Variants in EXOC6B observed in about 807,000 individuals in gnomAD.
EXOC6B encodes SEC15 homolog B.
EXOC6B carries 54 observed loss-of-function variants against 113.5 expected under a neutral mutation model. The observed-to-expected ratio is 0.48, with a 90% confidence interval of 0.38 to 0.60. The LOEUF (loss-of-function observed/expected upper bound fraction) is 0.60. Among genes scored for constraint, EXOC6B ranks in the 20% least tolerant of loss-of-function variants. The pLI is 0.00. For missense variants in EXOC6B, 797 were observed against 977.5 expected (o/e 0.82, Z 2.46); for synonymous variants, 357 against 339.0 (o/e 1.05, Z -0.58).
rs371062099 is a variant in EXOC6B at position 72,386,205 on chromosome 2, G to T, written c.1981-6335C>A. ...AGTGGAATACCACATATGCTCATAG[G>T]CATGAGCAAAAAAAAAAATGATGTA... On this transcript the variant is annotated intron_variant, in intron 18 of 21. Transcript: ENST00000272427. 1.2e-4 allele frequency among the ~76,000 whole-genome samples: 18 copies of T among 151,346 alleles called. 1 individual carries two copies. The highest frequency in any genetic ancestry group is 4.1e-4 in the African/African-American group (17 of 41,242).
intron 20 of EXOC6B, among the ~76,000 whole-genome samples, chr2:72,243,936 T>C (rs1682490186): frequency 6.6e-6 from 1 of 152,184 alleles, no homozygotes. Flanking sequence ...AGGAGAAATA[T>C]GTTAGTTCAC....
intron 19 of EXOC6B, among the ~76,000 whole-genome samples, chr2:72,375,260 A>T (rs1262414782): frequency 6.6e-6 from 1 of 152,164 alleles, no homozygotes; most frequent in Admixed American, 6.5e-5. Flanking sequence ...AAACAAGTAT[A>T]AAAAAATCAG....
chr2:72,233,085 A>T (rs928290064), intron 20 of EXOC6B, among the ~76,000 whole-genome samples: 1 of 152,100 alleles, frequency 6.6e-6, no homozygotes, highest in Non-Finnish European at 1.5e-5. Flanking sequence ...AAAAAAAGAA[A>T]AAAAGAAAAA....
chr2:72,744,551 T>C (rs1476338530), intron 1 of EXOC6B, among the ~76,000 whole-genome samples: 4 of 152,226 alleles, frequency 2.6e-5, no homozygotes, highest in Admixed American at 2.6e-4. Flanking sequence ...GTAAAGATAC[T>C]GATTTACCTT....
chr2:72,520,451 T>C (rs1701427461), intron 8 of EXOC6B, among the ~76,000 whole-genome samples: 1 of 152,236 alleles, frequency 6.6e-6, no homozygotes, highest in South Asian at 2.1e-4. Flanking sequence ...AGAAAATCAC[T>C]TTTAGCATCA....
chr2:72,409,542 A>C (rs1573056898), intron 18 of EXOC6B, among the ~76,000 whole-genome samples: 1 of 152,340 alleles, frequency 6.6e-6, no homozygotes, highest in Admixed American at 6.5e-5. Context: ...CAGCCATAAA[A>C]AATGATGAGT....
chr2:72,764,618 AGCCTCCCAAAGT>A (rs2104915355), intron 1 of EXOC6B, among the ~76,000 whole-genome samples: 2 of 152,064 alleles, frequency 1.3e-5, no homozygotes, highest in South Asian at 4.2e-4. Context: ...ATCCTGCCTC[AGCCTCCCAAAGT>A]GCTGGGATGA....
chr2:72,483,688 A>C (rs2105501705), intron 16 of EXOC6B, among the ~76,000 whole-genome samples: 1 of 152,356 alleles, frequency 6.6e-6, no homozygotes, highest in African/African-American at 2.4e-5. Flanking sequence ...ACGAGGACTA[A>C]GTGATAACTA....
rs561456812 is a variant in EXOC6B at position 72,762,177 on chromosome 2, G to C, written c.114-20708C>G. On this transcript the variant is annotated intron_variant, in intron 1 of 21. Transcript: ENST00000272427. ...CAGAATCACTTTAACTGGGGAAGCA[G>C]AGGTTGCAGTGAGCCGAGATGGTGC... 6.7e-3 allele frequency among the ~76,000 whole-genome samples: 1,018 copies of C among 151,120 alleles called. 5 individuals are homozygous for C. Among genetic ancestry groups the C allele is most frequent in the South Asian group, 0.011 (54 of 4,794 alleles).
intron 6 of EXOC6B, among the ~76,000 whole-genome samples, chr2:72,686,824 C>G (rs990237136): frequency 4.6e-5 from 7 of 152,092 alleles, no homozygotes; most frequent in African/African-American, 1.7e-4. Flanking sequence ...GAGTACATAT[C>G]TCATACATAC....
intron 1 of EXOC6B, among the ~76,000 whole-genome samples, chr2:72,746,404 C>T (rs1405884923): frequency 6.6e-6 from 1 of 151,934 alleles, no homozygotes; most frequent in Non-Finnish European, 1.5e-5. Context: ...TTTCCAAAAA[C>T]CCCCAAATAA....
intron 8 of EXOC6B, among the ~76,000 whole-genome samples, chr2:72,549,115 C>T (rs4852877): frequency 0.85 from 129,101 of 152,116 alleles, 55,374 homozygotes; most frequent in East Asian, 0.99. Flanking sequence ...ATTCAAAGAA[C>T]TGGAAGCATT....
At chr2:72,469,577 C>G (rs570002733) in intron 17 of EXOC6B, among the ~76,000 whole-genome samples, 99 of 151,836 alleles carry the variant, frequency 6.5e-4, no homozygotes, top group Non-Finnish European at 1.2e-3. Flanking sequence ...GTTTAATCTC[C>G]AAATAATTTG....
At position 72,500,504 on chromosome 2, in the gene EXOC6B, A is replaced by T. The variant is rs183639556; in HGVS notation, c.1168-532T>A. On this transcript the variant is annotated intron_variant, in intron 11 of 21. Coordinates refer to ENST00000272427, the MANE Select transcript of EXOC6B (RefSeq NM_015189.3). ...AATGAAATTAAAAAAGATATGGAAG[A>T]TTTGATTAAATAAACCAAAGACCAA... Among the ~76,000 whole-genome samples the T allele has an allele frequency of 5.3e-3, 813 of 152,254 alleles. 8 individuals carry two copies. Among genetic ancestry groups the T allele is most frequent in the African/African-American group, 0.019 (776 of 41,574 alleles).
chr2:72,594,208 C>G (rs541579971), intron 6 of EXOC6B, among the ~76,000 whole-genome samples: 43 of 152,240 alleles, frequency 2.8e-4, no homozygotes, highest in African/African-American at 9.4e-4. Flanking sequence ...CTCTCAAACT[C>G]TTAGCCTCAA....
intron 20 of EXOC6B, among the ~76,000 whole-genome samples, chr2:72,243,872 C>T (rs1449008442): frequency 6.6e-6 from 1 of 152,078 alleles, no homozygotes; most frequent in Admixed American, 6.5e-5. Context: ...TAGCATGTAT[C>T]CACCTAAGAA....
intron 17 of EXOC6B, among the ~76,000 whole-genome samples, chr2:72,469,797 T>C (rs1698283509): frequency 6.6e-6 from 1 of 152,094 alleles, no homozygotes. Flanking sequence ...ACTATATATA[T>C]ACACTGATTT....
At chr2:72,278,358 G>C (rs770669805) in intron 20 of EXOC6B, among the ~76,000 whole-genome samples, 11 of 152,148 alleles carry the variant, frequency 7.2e-5, no homozygotes, top group Non-Finnish European at 1.3e-4. Flanking sequence ...ACAATTGAAA[G>C]CTGAGGCCTT....
At chr2:72,543,428 A>G (rs1702724569) in intron 8 of EXOC6B, among the ~76,000 whole-genome samples, 1 of 152,022 alleles carries the variant, frequency 6.6e-6, no homozygotes, top group Non-Finnish European at 1.5e-5. Context: ...TTTACATGAG[A>G]TATTATTATT....
Sources: gnomAD v4.1 joint callset for allele counts (sites outside exome capture counted in the v4.1 genomes callset) on GRCh38, gnomAD v4.1.1 for gene constraint, MANE v1.5 for transcripts, NCBI Gene and HGNC (gene_info 2026-07-23, HGNC 2026-07-21) for gene names.